The following AGO2 variants were observed in gnomAD, a reference collection of about 807,000 sequenced individuals.
AGO2 encodes the protein argonaute RISC catalytic component 2, also known as protein argonaute-2.
A neutral mutation model predicts 102.3 loss-of-function variants in AGO2; 5 were observed. The observed-to-expected ratio is 0.05, with a 90% CI of 0.03 to 0.10. The LOEUF (loss-of-function observed/expected upper bound fraction) is 0.10, where lower values mean the gene tolerates loss of function less well. Ranked by LOEUF, AGO2 falls within the 10% of genes least tolerant of loss-of-function variation. The pLI is 1.00. For missense variants in AGO2, 541 were observed against 1,183.7 expected, an observed-to-expected ratio of 0.46 and a Z score of 7.97; for synonymous variants, 449 against 473.1, an observed-to-expected ratio of 0.95 and a Z score of 0.66.
chr8:140,595,884 T>C (rs1275958626), intron 1 of AGO2, among the ~76,000 whole-genome samples: 6 of 120,146 alleles, frequency 5.0e-5, no homozygotes, highest in African/African-American at 1.3e-4. Flanking sequence ...TTATATAATA[T>C]ATAATTATAT....
At chr8:140,640,416 C>T (rs528015063), upstream of AGO2, among the ~76,000 whole-genome samples, 11 of 152,276 alleles carry the variant, frequency 7.2e-5, no homozygotes, top group South Asian at 1.2e-3. Flanking sequence ...TTACTTACAG[C>T]CCCCTAAATT....
At chr8:140,630,946 A>G (rs1218120221) in intron 1 of AGO2, among the ~76,000 whole-genome samples, 1 of 152,120 alleles carries the variant, frequency 6.6e-6, no homozygotes, top group African/African-American at 2.4e-5. Flanking sequence ...CTCAGCTACT[A>G]GGGAGGCTGA....
chr8:140,583,410 T>C (rs2073588500), intron 2 of AGO2, among the ~76,000 whole-genome samples: 1 of 152,226 alleles, frequency 6.6e-6, no homozygotes, highest in Non-Finnish European at 1.5e-5. Flanking sequence ...CATGGGGATA[T>C]GGCCTGAGAA....
chr8:140,563,343 G>A (rs978693901), intron 3 of AGO2, among the ~76,000 whole-genome samples: 32 of 152,036 alleles, frequency 2.1e-4, no homozygotes, highest in African/African-American at 5.6e-4. Flanking sequence ...GGATCCTTTC[G>A]CCTTGGCCTT....
upstream of AGO2, among the ~76,000 whole-genome samples, chr8:140,636,071 G>C (rs1319790831): frequency 6.6e-6 from 1 of 151,386 alleles, no homozygotes; most frequent in East Asian, 2.0e-4. Context: ...CCGCCCCCCG[G>C]TGGGGGGCGC....
intron 2 of AGO2, among the ~76,000 whole-genome samples, chr8:140,584,734 C>T (rs2073623552): frequency 6.6e-6 from 1 of 152,136 alleles, no homozygotes; most frequent in South Asian, 2.1e-4. Context: ...TGTCACTATA[C>T]AGACCTGGAA....
At chr8:140,632,483 A>G (rs1002830999) in intron 1 of AGO2, among the ~76,000 whole-genome samples, 1 of 152,244 alleles carries the variant, frequency 6.6e-6, no homozygotes. Context: ...TCACAATCCT[A>G]TTTAGACAAC....
upstream of AGO2, among the ~76,000 whole-genome samples, chr8:140,635,916 G>C (rs1438432198): frequency 6.7e-6 from 1 of 148,890 alleles, no homozygotes; most frequent in Non-Finnish European, 1.5e-5. Flanking sequence ...AGGGCGGCGC[G>C]GCCCGTGTGG....
At chr8:140,579,569 G>A (rs867585981) in intron 2 of AGO2, among the ~76,000 whole-genome samples, 2 of 151,946 alleles carry the variant, frequency 1.3e-5, no homozygotes, top group African/African-American at 4.8e-5. Flanking sequence ...CAGCCTGGGA[G>A]CCCCATTCCA....
Position 140,585,237 on chromosome 8 carries a change from T to C in AGO2, c.97A>G (p.Thr33Ala). Residue 33 changes from threonine (T) to alanine (A), a missense_variant, in exon 2 of 19, where the codon ACC becomes GCC. By Grantham distance (58) the Thr-to-Ala change is moderately conservative. Coordinates refer to ENST00000220592, the MANE Select transcript of AGO2 (RefSeq NM_012154.5). ...FKPPPRPDFG[T>A]SGRTIKLQAN... Reference sequence around the variant, plus strand: ...TGTAATTTGATTGTTCTCCCGGAGGTCCCAAAGTCGGGTCTAGGTGGAGGC... The same window carrying C: ...TGTAATTTGATTGTTCTCCCGGAGGCCCCAAAGTCGGGTCTAGGTGGAGGC... 1 of 1,614,070 alleles carries C rather than the reference T, an allele frequency of 6.2e-7. No homozygotes were observed. Among genetic ancestry groups the C allele is most frequent in the Non-Finnish European group, 8.5e-7 (1 of 1,180,002 alleles).
At chr8:140,602,794 T>C (rs2073949570) in intron 1 of AGO2, among the ~76,000 whole-genome samples, 1 of 152,230 alleles carries the variant, frequency 6.6e-6, no homozygotes, top group Admixed American at 6.5e-5. Flanking sequence ...ATTTTTTTCC[T>C]AGTCAGAATA....
the AGO2 span, among the ~76,000 whole-genome samples, chr8:140,641,024 G>A: frequency 6.6e-6 from 1 of 152,168 alleles, no homozygotes; most frequent in African/African-American, 2.4e-5. Context: ...CACTAAAGAT[G>A]GTGGCTTACA....
At position 140,556,247 on chromosome 8, in the gene AGO2, A is replaced by G; in HGVS notation, c.1066T>C (p.Leu356=). ...IVAGQRCIKK[L]TDNQTSTMIR... ...ATGGTTGAGGTCTGATTGTCCGTTA[A>G]TTTTTTAATACATCTTTGTCCTGCC... The change falls in exon 9 of 19, where the codon TTA becomes CTA. Residue 356 remains leucine (L), a synonymous_variant. Coordinates refer to ENST00000220592, the MANE Select transcript of AGO2 (RefSeq NM_012154.5). 1.2e-6 allele frequency: 2 copies of G among 1,614,170 alleles called. No homozygotes were observed. The highest frequency in any genetic ancestry group is 2.2e-5 in the East Asian group (1 of 44,878).
chr8:140,626,533 C>G (rs1041847181), intron 1 of AGO2: 9 of 152,344 alleles, frequency 5.9e-5, no homozygotes, highest in Non-Finnish European at 1.3e-4. Context: ...CTCCTCTGAT[C>G]AAAGCACCAC....
rs745441104 is a variant in AGO2, at chr8:140,562,650, G to A, written c.337-16C>T. ...CCAGCTCCACCTGCGAGGATCCAAG[G>A]CACACAAGGTTACTCCCTCCTGCGA... On this transcript the variant is annotated splice_polypyrimidine_tract_variant and intron_variant, in intron 3 of 18. Transcript: ENST00000220592. The A allele has an allele frequency of 2.5e-6, 4 of 1,610,786 alleles. No individual in the cohort carries two copies. Among genetic ancestry groups the A allele is most frequent in the Non-Finnish European group, 3.4e-6 (4 of 1,178,286 alleles).
At chr8:140,585,020 C>A in intron 2 of AGO2, 99 bp downstream of exon 2, 2 of 1,234,580 alleles carry the variant, frequency 1.6e-6, no homozygotes, top group Non-Finnish European at 2.2e-6. Flanking sequence ...TGGAAAAAAC[C>A]CAGATGGATC....
chr8:140,603,891 T>A (rs2073961732), intron 1 of AGO2, among the ~76,000 whole-genome samples: 1 of 152,232 alleles, frequency 6.6e-6, no homozygotes, highest in Non-Finnish European at 1.5e-5. Flanking sequence ...CTGTTCCGCA[T>A]CCCTCAGGGC....
rs1223493238 is a variant in AGO2, at chr8:140,539,499, C to T, written c.2035-45G>A. 1 of 1,579,250 alleles carries T rather than the reference C, an allele frequency of 6.3e-7. No individual in the cohort carries two copies. The highest frequency in any genetic ancestry group is 8.6e-7 in the Non-Finnish European group (1 of 1,160,010). On this transcript the variant is annotated intron_variant, in intron 15 of 18. Coordinates refer to ENST00000220592, the MANE Select transcript of AGO2 (RefSeq NM_012154.5). This position sits in a 1 kb window ranked among gnomAD's most constrained non-coding sequence, Gnocchi z 4.7. ...GAGGTTGTGCTTAAAGATGGTAGTG[C>T]ATGTGAGCAACGGTCCCACGTGCGG...
rs1456186733 is a variant in AGO2, at chr8:140,589,868, G to T, written c.23-4557C>A. On this transcript the variant is annotated intron_variant, in intron 1 of 18. Transcript: ENST00000220592. The surrounding 1 kb of genome is among the most constrained non-coding windows in gnomAD (Gnocchi z 4.2). Reference sequence around the variant, plus strand: ...ACCAGAGAGTAGATGCTATCAAGCTGTACTCTCCTGCTAAAATCAGGACAC... The same window carrying T: ...ACCAGAGAGTAGATGCTATCAAGCTTTACTCTCCTGCTAAAATCAGGACAC... Among the ~76,000 whole-genome samples, 1 of 152,078 alleles carries T rather than the reference G, an allele frequency of 6.6e-6. No individual in the cohort carries two copies. Among genetic ancestry groups the T allele is most frequent in the East Asian group, 1.9e-4 (1 of 5,136 alleles).
Sources: gnomAD v4.1 joint callset for allele counts (sites outside exome capture counted in the v4.1 genomes callset) on GRCh38, gnomAD v4.1.1 for gene constraint, Gnocchi (gnomAD v3.1) non-coding constraint, MANE v1.5 for transcripts, NCBI Gene and HGNC (gene_info 2026-07-23, HGNC 2026-07-21) for gene names.